Variants in PRKAG2 observed in about 807,000 individuals in gnomAD.
PRKAG2 encodes protein kinase AMP-activated non-catalytic subunit gamma 2, also known as 5'-AMP-activated protein kinase subunit gamma-2.
A neutral mutation model predicts 69.6 loss-of-function variants in PRKAG2; 26 were observed. That is an observed-to-expected ratio of 0.37 (90% confidence interval 0.27 to 0.52). The LOEUF is 0.52. PRKAG2 is among the 20% of genes least tolerant of loss of function. The pLI is 0.90. For synonymous variants in PRKAG2, 293 were observed against 285.0 expected, an observed-to-expected ratio of 1.03 and a Z score of -0.28; for missense variants, 557 against 740.0, an observed-to-expected ratio of 0.75 and a Z score of 2.87.
chr7:151,749,376 C>G (rs531661312), intron 3 of PRKAG2, among the ~76,000 whole-genome samples: 18 of 152,342 alleles, frequency 1.2e-4, no homozygotes, highest in African/African-American at 4.3e-4. Context: ...ACCTCCCTCA[C>G]TCTCTCTGCT....
At chr7:151,734,599 G>C (rs544508024) in intron 3 of PRKAG2, among the ~76,000 whole-genome samples, 1 of 152,150 alleles carries the variant, frequency 6.6e-6, no homozygotes, top group Non-Finnish European at 1.5e-5. Flanking sequence ...ACCCAGGCTG[G>C]AGTGTAGTGG....
rs538006646 is a variant in PRKAG2 at position 151,828,780 on chromosome 7, G to A, written c.115-42239C>T. 3.3e-5 allele frequency among the ~76,000 whole-genome samples: 5 copies of A among 151,818 alleles called. No homozygotes were observed. The East Asian group carries it at 9.7e-4, about 29-fold the overall frequency. ...TACAAAAAAAAAAAAAACTTTAAAAGTCAGTGGGGCATGGTGGCTACTGAG... is the reference window on the plus strand; with the variant it reads ...TACAAAAAAAAAAAAAACTTTAAAAATCAGTGGGGCATGGTGGCTACTGAG... On this transcript the variant is annotated intron_variant, in intron 1 of 15. Transcript: ENST00000287878. The surrounding 1 kb of genome is among the most constrained non-coding windows in gnomAD (Gnocchi z 4.6).
intron 5 of PRKAG2, among the ~76,000 whole-genome samples, chr7:151,620,096 T>C (rs150348944): frequency 1.8e-3 from 276 of 152,190 alleles, no homozygotes; most frequent in African/African-American, 6.2e-3. Context: ...TTCCACGCAT[T>C]TGGGAGACTC....
intron 4 of PRKAG2, among the ~76,000 whole-genome samples, chr7:151,652,446 GAGTTT>G (rs1189175945): frequency 3.3e-5 from 5 of 152,106 alleles, no homozygotes; most frequent in African/African-American, 1.2e-4. Context: ...AATATGTAAT[GAGTTT>G]ATTACTGATC....
chr7:151,627,237 C>A (rs983383326), intron 5 of PRKAG2, among the ~76,000 whole-genome samples: 1 of 152,174 alleles, frequency 6.6e-6, no homozygotes, highest in African/African-American at 2.4e-5. Context: ...AGATGCCTCA[C>A]TGAAAGACAA....
intron 4 of PRKAG2, among the ~76,000 whole-genome samples, chr7:151,670,020 A>C (rs555739408): frequency 4.1e-4 from 54 of 133,332 alleles, no homozygotes; most frequent in African/African-American, 1.6e-3. Flanking sequence ...ACACACCTGC[A>C]TGCACACACA....
At chr7:151,773,582 A>G (rs944633860) in intron 3 of PRKAG2, among the ~76,000 whole-genome samples, 28 of 152,222 alleles carry the variant, frequency 1.8e-4, no homozygotes, top group African/African-American at 6.5e-4. Flanking sequence ...CTTAGAACAC[A>G]CACAGACTTT....
At chr7:151,680,092 T>G (rs746984732) in intron 3 of PRKAG2, among the ~76,000 whole-genome samples, 6 of 152,216 alleles carry the variant, frequency 3.9e-5, no homozygotes, top group Middle Eastern at 3.4e-3. Flanking sequence ...ACTGCACCCA[T>G]GCAGGCATTG....
chr7:151,672,391 A>G lies in PRKAG2; in HGVS notation c.684+3029T>C, dbSNP rs10260883. 9.9e-3 allele frequency among the ~76,000 whole-genome samples: 1,500 copies of G among 152,228 alleles called. 26 individuals carry two copies. Among genetic ancestry groups the G allele is most frequent in the African/African-American group, 0.035 (1,438 of 41,532 alleles). On this transcript the variant is annotated intron_variant, in intron 4 of 15. Transcript: ENST00000287878. Reference sequence around the variant, plus strand: ...ATTACAGGCGTGAGCCACTGCGCCCAGCCACCATTCGAACGATTTTCAAGT... The same window carrying G: ...ATTACAGGCGTGAGCCACTGCGCCCGGCCACCATTCGAACGATTTTCAAGT...
At chr7:151,858,000 C>G (rs917101261) in intron 1 of PRKAG2, among the ~76,000 whole-genome samples, 1 of 152,224 alleles carries the variant, frequency 6.6e-6, no homozygotes, top group African/African-American at 2.4e-5. Context: ...GGGAATGAAG[C>G]GCTCCTTTCC....
chr7:151,872,909 G>C (rs773583356), intron 1 of PRKAG2, among the ~76,000 whole-genome samples: 10 of 152,224 alleles, frequency 6.6e-5, no homozygotes, highest in Non-Finnish European at 1.5e-4. Flanking sequence ...TCACGCCTTA[G>C]GCCTGGTCTT....
chr7:151,673,181 C>T (rs1454465189), intron 4 of PRKAG2, among the ~76,000 whole-genome samples: 2 of 152,200 alleles, frequency 1.3e-5, no homozygotes, highest in Non-Finnish European at 2.9e-5. Context: ...AAGAGCCCTG[C>T]GTCTGTGTCT....
At chr7:151,858,698 C>T (rs972334966) in intron 1 of PRKAG2, among the ~76,000 whole-genome samples, 6 of 152,190 alleles carry the variant, frequency 3.9e-5, no homozygotes, top group African/African-American at 1.4e-4. Context: ...TCACTTCGGC[C>T]GTTTCTCGGC....
At chr7:151,601,562 G>T (rs1320290193) in intron 5 of PRKAG2, among the ~76,000 whole-genome samples, 1 of 152,128 alleles carries the variant, frequency 6.6e-6, no homozygotes. Context: ...ACCCTGGAGT[G>T]AAGCTATGAG....
intron 3 of PRKAG2, among the ~76,000 whole-genome samples, chr7:151,724,670 C>T (rs1033924196): frequency 1.9e-4 from 29 of 151,384 alleles, no homozygotes; most frequent in African/African-American, 6.6e-4. Flanking sequence ...CCTGTGCTCT[C>T]GGACCCTGCG....
chr7:151,743,064 A>T (rs552324652), intron 3 of PRKAG2, among the ~76,000 whole-genome samples: 1 of 152,222 alleles, frequency 6.6e-6, no homozygotes, highest in South Asian at 2.1e-4. Context: ...CCAGTCGATG[A>T]TCCCACATGA....
rs1036528641 is a variant in PRKAG2 at position 151,771,514 on chromosome 7, A to T, written c.466+9638T>A. Reference sequence around the variant, plus strand: ...CTGTGGGAGGAATCATTTTGTATGCATGCAGTACACACAATGCCATCTTTC... The same window carrying T: ...CTGTGGGAGGAATCATTTTGTATGCTTGCAGTACACACAATGCCATCTTTC... On this transcript the variant is annotated intron_variant, in intron 3 of 15. Transcript: ENST00000287878. This position sits in a 1 kb window ranked among gnomAD's most constrained non-coding sequence, Gnocchi z 4.0. Among the ~76,000 whole-genome samples, 1 of 152,184 alleles carries T rather than the reference A, an allele frequency of 6.6e-6. No homozygotes were observed. Among genetic ancestry groups the T allele is most frequent in the African/African-American group, 2.4e-5 (1 of 41,444 alleles).
At chr7:151,613,505 T>C (rs944681046) in intron 5 of PRKAG2, among the ~76,000 whole-genome samples, 1 of 152,140 alleles carries the variant, frequency 6.6e-6, no homozygotes, top group Non-Finnish European at 1.5e-5. Flanking sequence ...GTTTTTATTT[T>C]ATATATGTTT....
chr7:151,794,937 G>A (rs2077425003), intron 1 of PRKAG2, among the ~76,000 whole-genome samples: 3 of 152,218 alleles, frequency 2.0e-5, no homozygotes, highest in Non-Finnish European at 4.4e-5. Flanking sequence ...TTGTGGTGGA[G>A]GATGCTCTGC....
Sources: allele counts gnomAD v4.1 joint callset (sites outside exome capture counted in the v4.1 genomes callset), GRCh38; gene constraint gnomAD v4.1.1; non-coding constraint Gnocchi (gnomAD v3.1); transcripts MANE v1.5; gene names NCBI Gene and HGNC (gene_info 2026-07-23, HGNC 2026-07-21).